Variants in PI4K2A observed in about 807,000 individuals in gnomAD.
PI4K2A encodes the protein phosphatidylinositol 4-kinase type 2-alpha.
In PI4K2A, 20 loss-of-function variants were observed where a neutral mutation model predicts 55.0. That is an observed-to-expected ratio of 0.36 (90% CI 0.26 to 0.53). The LOEUF (loss-of-function observed/expected upper bound fraction) is 0.53, where lower values mean the gene tolerates loss of function less well. Ranked by LOEUF, PI4K2A falls within the 20% of genes least tolerant of loss-of-function variation. PI4K2A has a pLI of 0.91. For missense variants in PI4K2A, 463 were observed against 637.1 expected, an observed-to-expected ratio of 0.73 and a Z score of 2.94; for synonymous variants, 235 against 258.5, an observed-to-expected ratio of 0.91 and a Z score of 0.87.
intron 4 of PI4K2A, among the ~76,000 whole-genome samples, chr10:97,662,635 A>G (rs1245821687): frequency 6.6e-6 from 1 of 152,162 alleles, no homozygotes; most frequent in Non-Finnish European, 1.5e-5. Context: ...CTCTTTCCAA[A>G]TTGGCAGGTG....
intron 5 of PI4K2A, among the ~76,000 whole-genome samples, chr10:97,663,515 TC>T (rs2041596321): frequency 1.3e-5 from 2 of 150,968 alleles, no homozygotes; most frequent in Non-Finnish European, 1.5e-5. Context: ...TTCTTTTCTT[TC>T]TTTTTTTTTT....
At chr10:97,641,419 G>A (rs1055251008) in intron 1 of PI4K2A, among the ~76,000 whole-genome samples, 1 of 152,070 alleles carries the variant, frequency 6.6e-6, no homozygotes, top group Non-Finnish European at 1.5e-5. Context: ...GACCAGATAC[G>A]GGCCGGGGGC....
intron 1 of PI4K2A, among the ~76,000 whole-genome samples, chr10:97,644,558 G>A (rs910083945): frequency 6.6e-6 from 1 of 152,146 alleles, no homozygotes; most frequent in Non-Finnish European, 1.5e-5. Context: ...GGAGACATAG[G>A]GTTCTTCCTG....
intron 5 of PI4K2A, 73 bp downstream of exon 5, chr10:97,663,041 A>T (rs2041593671): frequency 1.0e-6 from 1 of 1,000,590 alleles, no homozygotes. Flanking sequence ...AAATGGTCAG[A>T]GATGTAGTTC....
intron 2 of PI4K2A, among the ~76,000 whole-genome samples, chr10:97,652,426 G>A (rs1282467030): frequency 1.3e-5 from 2 of 151,858 alleles, no homozygotes; most frequent in East Asian, 3.9e-4. Flanking sequence ...CTCTCAGGTT[G>A]GGACTACGGG....
intron 1 of PI4K2A, among the ~76,000 whole-genome samples, chr10:97,648,162 C>T (rs1368983533): frequency 6.8e-6 from 1 of 147,496 alleles, no homozygotes; most frequent in Non-Finnish European, 1.5e-5. Context: ...GGCATGATCT[C>T]GGCTCACTGC....
At chr10:97,665,678 C>G (rs2041606639) in intron 6 of PI4K2A, among the ~76,000 whole-genome samples, 1 of 151,988 alleles carries the variant, frequency 6.6e-6, no homozygotes, top group South Asian at 2.1e-4. Flanking sequence ...CTGCAACCTC[C>G]TCCTCCTGGG....
chr10:97,651,324 T>C (rs1022926889), intron 2 of PI4K2A, among the ~76,000 whole-genome samples, 183 bp downstream of exon 2: 2 of 152,258 alleles, frequency 1.3e-5, no homozygotes, highest in Non-Finnish European at 2.9e-5. Context: ...TGATGAAGGC[T>C]ATCTTTTGAA....
At position 97,656,289 on chromosome 10, in the gene PI4K2A, T is replaced by C. The variant is rs1470992488; in HGVS notation, c.641T>C (p.Val214Ala). 1 of 1,613,416 alleles carries C rather than the reference T, an allele frequency of 6.2e-7. No individual in the cohort carries two copies. The highest frequency in any genetic ancestry group is 1.7e-5 in the Admixed American group (1 of 60,024). The change falls in exon 3 of 9, where the codon GTA (valine) becomes GCA (alanine). Residue 214 changes from valine (V) to alanine (A), a missense_variant. Val to Ala is a moderately conservative substitution (Grantham distance 64). This residue lies in a region of PI4K2A where 277 missense variants were observed against 432.6 expected (regional missense o/e 0.64). Coordinates refer to ENST00000370631, the Ensembl canonical transcript of PI4K2A. This position sits in a 1 kb window ranked among gnomAD's most constrained non-coding sequence, Gnocchi z 4.5. ...ATCTCTTCTCTTTCACTGTAGGTAG[T>C]ATACCTGGCCAGTGAGACCTTCAAC...
chr10:97,670,879 T>C (rs1347765016), intron 8 of PI4K2A, among the ~76,000 whole-genome samples: 1 of 152,168 alleles, frequency 6.6e-6, no homozygotes, highest in African/African-American at 2.4e-5. Context: ...GGCTCATGCC[T>C]GTAATCCGAG....
chr10:97,641,008 CGGCGGCAGCCCACGCCGCTCA>C, exon 1 of PI4K2A: 1 of 1,559,460 alleles, frequency 6.4e-7, no homozygotes, highest in Non-Finnish European at 8.6e-7. Context: ...GCTCAGGCCG[CGGCGGCAGCCCACGCCGCTCA>C]GGCCCACCGC....
rs1564772334 is a variant in PI4K2A, at chr10:97,642,868, T to TC, written c.435+1692dup. ...CTTCCTTCCTTTCTTTCTTTCTTTT[T>TC]CTTTCTTTCTTTCTTTCTTCCTTCC... On this transcript the variant is annotated intron_variant, in intron 1 of 8. Coordinates refer to ENST00000370631, the Ensembl canonical transcript of PI4K2A. 1.1e-3 allele frequency among the ~76,000 whole-genome samples: 128 copies of TC among 115,726 alleles called. 2 individuals carry two copies. The highest frequency in any genetic ancestry group is 1.4e-3 in the Non-Finnish European group (80 of 55,914). 75.9% of individuals were successfully genotyped at this position (115,726 alleles called of 152,430 possible).
rs2041470267 is a variant in PI4K2A, at chr10:97,641,608, G to GAC, written c.435+432_435+433dup. Among the ~76,000 whole-genome samples, 8 of 152,270 alleles carry GAC rather than the reference G, an allele frequency of 5.3e-5. No homozygotes were observed. The South Asian group carries it at 1.7e-3, about 32-fold the overall frequency. On this transcript the variant is annotated intron_variant, in intron 1 of 8. Transcript: ENST00000370631. ...TCGCTGTTCACGGAGGAGGATGGGT[G>GAC]ACCTATCAGGGGATCTGAGAATTCA... is the stretch of plus-strand genomic sequence containing the variant.
intron 1 of PI4K2A, among the ~76,000 whole-genome samples, chr10:97,648,729 C>G (rs191504675): frequency 6.6e-6 from 1 of 152,104 alleles, no homozygotes; most frequent in Non-Finnish European, 1.5e-5. Flanking sequence ...ACAGTGGACT[C>G]GTCAGTCATT....
In PI4K2A at chr10:97,650,948, T is replaced by C. The variant is rs750674733; in HGVS notation, c.443T>C (p.Ile148Thr). 5.6e-6 allele frequency: 9 copies of C among 1,612,758 alleles called. No individual in the cohort carries two copies. The highest frequency in any genetic ancestry group is 1.1e-5 in the South Asian group (1 of 91,066). The change falls in exon 2 of 9, where the codon ATT becomes ACT. Residue 148 changes from isoleucine to threonine, a missense_variant. Transcript: ENST00000370631. ...TTTCTTTGGTCTCTGTAGAGGATCA[T>C]TGCTGTCTTCAAACCCAAGAATGAA...
intron 4 of PI4K2A, among the ~76,000 whole-genome samples, chr10:97,662,657 A>G (rs1449383184): frequency 2.0e-5 from 3 of 152,192 alleles, no homozygotes; most frequent in African/African-American, 7.2e-5. Flanking sequence ...TCTAGGGGAA[A>G]AGAAGCCACA....
exon 1 of PI4K2A, chr10:97,640,734 G>GTCT: frequency 6.7e-7 from 1 of 1,489,350 alleles, no homozygotes; most frequent in Non-Finnish European, 8.9e-7. Flanking sequence ...GGAGCCGGCT[G>GTCT]TCTGAGGGAT....
chr10:97,664,204 T>C (rs1465229767), intron 5 of PI4K2A, among the ~76,000 whole-genome samples: 1 of 152,188 alleles, frequency 6.6e-6, no homozygotes. Context: ...TAATAAGGTA[T>C]CTCAGGGGAT....
chr10:97,641,195 G>A lies in PI4K2A; in HGVS notation c.435+18G>A. On this transcript the variant is annotated intron_variant, in intron 1 of 8. Coordinates refer to ENST00000370631, the Ensembl canonical transcript of PI4K2A. ...CTCAGGGGGTGAGTGCGGGGGTGGG[G>A]ACCGCCGCCGCGGGCTGAGGGCCGG... The A allele has an allele frequency of 6.3e-7, 1 of 1,577,812 alleles. No homozygotes were observed. Among genetic ancestry groups the A allele is most frequent in the Non-Finnish European group, 8.6e-7 (1 of 1,165,902 alleles).
Sources: gnomAD v4.1 joint callset for allele counts (sites outside exome capture counted in the v4.1 genomes callset) on GRCh38, gnomAD v4.1.1 for gene constraint, gnomAD v4.1.1 regional missense constraint, Gnocchi (gnomAD v3.1) non-coding constraint, MANE v1.5 for transcripts, NCBI Gene and HGNC (gene_info 2026-07-23, HGNC 2026-07-21) for gene names.